The following ROBO2 variants were observed in gnomAD, a reference collection of about 807,000 sequenced individuals.
The protein encoded by ROBO2 is roundabout homolog 2.
ROBO2 carries 53 observed loss-of-function variants against 160.8 expected under a neutral mutation model. The ratio of observed to expected loss-of-function variants is 0.33; its 90% CI spans 0.26 to 0.41. The LOEUF (loss-of-function observed/expected upper bound fraction) is 0.41. Ranked by LOEUF, ROBO2 falls within the 10% of genes least tolerant of loss-of-function variation. ROBO2 has a pLI of 1.00. For synonymous variants in ROBO2, 664 were observed against 611.7 expected, an observed-to-expected ratio of 1.09 and a Z score of -1.26; for missense variants, 1,577 against 1,722.4, an observed-to-expected ratio of 0.92 and a Z score of 1.49.
intron 22 of ROBO2, among the ~76,000 whole-genome samples, chr3:77,621,412 C>G (rs1369759425): frequency 6.6e-6 from 1 of 151,600 alleles, no homozygotes; most frequent in African/African-American, 2.4e-5. Flanking sequence ...GGTGGCAGAA[C>G]AAGACCCCTT....
At chr3:77,407,595 T>C (rs543655582) in intron 2 of ROBO2, among the ~76,000 whole-genome samples, 35 of 152,324 alleles carry the variant, frequency 2.3e-4, no homozygotes, top group African/African-American at 7.9e-4. Flanking sequence ...TCTCCATCAC[T>C]CCTGCAGCGT....
At chr3:76,889,377 A>G (rs1260848445) in intron 2 of ROBO2, among the ~76,000 whole-genome samples, 1 of 152,226 alleles carries the variant, frequency 6.6e-6, no homozygotes, top group Non-Finnish European at 1.5e-5. Context: ...GAAATGTTTG[A>G]AGAAAATTTA....
At chr3:77,512,469 A>G (rs1469767068) in intron 5 of ROBO2, among the ~76,000 whole-genome samples, 2 of 152,004 alleles carry the variant, frequency 1.3e-5, no homozygotes, top group African/African-American at 2.4e-5. Flanking sequence ...TTTTAATGTA[A>G]TTGAATAACA....
rs73841044 is a variant in ROBO2, at chr3:75,944,792, T to G, written c.109+7190T>G. Among the ~76,000 whole-genome samples the G allele has an allele frequency of 9.7e-3, 1,470 of 152,300 alleles. 26 individuals carry two copies. The highest frequency in any genetic ancestry group is 0.033 in the African/African-American group (1,379 of 41,558). On this transcript the variant is annotated intron_variant, in intron 2 of 26. Coordinates refer to the ROBO2 transcript ENST00000487694. ...CATAATAATTGGGATGCAATTGTTT[T>G]TCTTATGATTATTTTGTACTTCTTT...
chr3:77,455,048 G>A (rs1235904610), intron 2 of ROBO2, among the ~76,000 whole-genome samples: 1 of 152,154 alleles, frequency 6.6e-6, no homozygotes, highest in Admixed American at 6.5e-5. Flanking sequence ...GATGTTAATA[G>A]TCACTAGCTT....
chr3:77,216,023 G>T (rs887063334), intron 2 of ROBO2, among the ~76,000 whole-genome samples: 1 of 152,132 alleles, frequency 6.6e-6, no homozygotes, highest in Non-Finnish European at 1.5e-5. Context: ...GCTACTCGGG[G>T]GTCAGGGACC....
intron 2 of ROBO2, among the ~76,000 whole-genome samples, chr3:76,672,669 A>C (rs2092300648): frequency 6.6e-6 from 1 of 152,158 alleles, no homozygotes; most frequent in Non-Finnish European, 1.5e-5. Context: ...CGACTCAAGC[A>C]CAATGAGCAG....
At chr3:76,580,340 GT>G (rs2085600653) in intron 2 of ROBO2, among the ~76,000 whole-genome samples, 4 of 40,914 alleles carry the variant, frequency 9.8e-5, no homozygotes, top group African/African-American at 2.5e-4. Context: ...TTTTTTTTTT[GT>G]GTTTTTTTTT....
At chr3:76,540,900 A>G (rs2082778880) in intron 2 of ROBO2, among the ~76,000 whole-genome samples, 1 of 152,072 alleles carries the variant, frequency 6.6e-6, no homozygotes, top group Admixed American at 6.6e-5. Flanking sequence ...CCCAGGTTCA[A>G]GTGATTCTCC....
intron 2 of ROBO2, among the ~76,000 whole-genome samples, chr3:77,213,486 C>T (rs898252120): frequency 2.4e-4 from 36 of 151,670 alleles, no homozygotes; most frequent in Non-Finnish European, 4.7e-4. Flanking sequence ...TTTATTAGTC[C>T]TGCTAGCGGT....
At chr3:76,126,196 T>A (rs1313749885) in intron 2 of ROBO2, among the ~76,000 whole-genome samples, 4 of 152,190 alleles carry the variant, frequency 2.6e-5, no homozygotes, top group African/African-American at 9.6e-5. Flanking sequence ...GGTCAAACTC[T>A]TTGCTTTCAA....
intron 2 of ROBO2, among the ~76,000 whole-genome samples, chr3:76,456,968 C>G (rs994763611): frequency 6.6e-6 from 1 of 152,176 alleles, no homozygotes; most frequent in Non-Finnish European, 1.5e-5. Flanking sequence ...ATTCAATTAC[C>G]TCCTTGTGGG....
intron 2 of ROBO2, among the ~76,000 whole-genome samples, chr3:76,764,625 C>G (rs2061479258): frequency 6.6e-6 from 1 of 151,658 alleles, no homozygotes; most frequent in Admixed American, 6.6e-5. Context: ...AAGTTTAATT[C>G]AGTATTTTTG....
chr3:77,024,683 T>C (rs2062850045), intron 2 of ROBO2, among the ~76,000 whole-genome samples: 1 of 152,224 alleles, frequency 6.6e-6, no homozygotes, highest in Non-Finnish European at 1.5e-5. Context: ...CCAGTTGTTC[T>C]GGATTCTACT....
intron 2 of ROBO2, among the ~76,000 whole-genome samples, chr3:76,400,991 C>T (rs1030453517): frequency 2.0e-5 from 3 of 151,568 alleles, no homozygotes; most frequent in Non-Finnish European, 4.4e-5. Context: ...CTCTGGCTCT[C>T]TTGCTGCTGA....
intron 2 of ROBO2, among the ~76,000 whole-genome samples, chr3:76,099,122 C>A (rs1376787884): frequency 1.3e-5 from 2 of 152,014 alleles, no homozygotes; most frequent in Non-Finnish European, 2.9e-5. Context: ...GTGAAAATAG[C>A]GTTCTTAGCA....
intron 2 of ROBO2, among the ~76,000 whole-genome samples, chr3:75,973,142 T>A (rs906408322): frequency 6.6e-6 from 1 of 151,624 alleles, no homozygotes; most frequent in African/African-American, 2.4e-5. Flanking sequence ...TAAATAAAAC[T>A]ATTATCAGAA....
At chr3:77,639,273 T>A (rs557322754) in intron 24 of ROBO2, among the ~76,000 whole-genome samples, 58 of 152,256 alleles carry the variant, frequency 3.8e-4, no homozygotes, top group South Asian at 2.1e-3. Context: ...TAACATATAA[T>A]AGACAATGGG....
intron 2 of ROBO2, among the ~76,000 whole-genome samples, chr3:77,205,377 C>A (rs1310137868): frequency 6.6e-6 from 1 of 151,958 alleles, no homozygotes; most frequent in Non-Finnish European, 1.5e-5. Context: ...CAGAACTCAG[C>A]TTTGTGTTCA....
Sources: gnomAD v4.1 joint callset for allele counts (sites outside exome capture counted in the v4.1 genomes callset) on GRCh38, gnomAD v4.1.1 for gene constraint, MANE v1.5 for transcripts, NCBI Gene and HGNC (gene_info 2026-07-23, HGNC 2026-07-21) for gene names.